Variants in CCDC102B observed in about 807,000 individuals in gnomAD.
The protein encoded by CCDC102B is coiled-coil domain-containing protein 102B.
Under a neutral mutation model 57.4 loss-of-function variants are expected in CCDC102B, and 75 were observed. The ratio of observed to expected loss-of-function variants is 1.31; its 90% CI spans 1.08 to 1.58. The LOEUF is 1.58. CCDC102B is among the 40% of genes most tolerant of loss of function. CCDC102B has a pLI of 0.00. For missense variants in CCDC102B, 636 were observed against 582.6 expected (o/e 1.09, Z -0.94); for synonymous variants, 206 against 201.9 (o/e 1.02, Z -0.17).
chr18:68,859,933 C>T (rs1295914608), intron 4 of CCDC102B, among the ~76,000 whole-genome samples: 3 of 92,348 alleles, frequency 3.2e-5, no homozygotes, highest in African/African-American at 9.7e-5. Flanking sequence ...ACCATTTGAC[C>T]CAGTCATCCC....
At chr18:68,798,390 T>A (rs1325798186) in intron 1 of CCDC102B, 1 of 152,108 alleles carries the variant, frequency 6.6e-6, no homozygotes, top group Non-Finnish European at 1.5e-5. Context: ...GGTGTTATTA[T>A]CCTGACAATT....
At chr18:68,761,092 C>G (rs528434936) in intron 2 of CCDC102B, among the ~76,000 whole-genome samples, 45 of 152,168 alleles carry the variant, frequency 3.0e-4, no homozygotes, top group African/African-American at 9.9e-4. Flanking sequence ...TTTCCTTGCT[C>G]TGTGCCGTGG....
At chr18:68,762,430 T>G (rs1324987944) in intron 2 of CCDC102B, among the ~76,000 whole-genome samples, 1 of 152,124 alleles carries the variant, frequency 6.6e-6, no homozygotes, top group Admixed American at 6.6e-5. Context: ...GTCCATTATC[T>G]CCACACTGAA....
At chr18:68,896,568 A>C (rs1019702520) in intron 5 of CCDC102B, among the ~76,000 whole-genome samples, 8 of 152,036 alleles carry the variant, frequency 5.3e-5, no homozygotes, top group Non-Finnish European at 1.2e-4. Flanking sequence ...TTATAGGCAA[A>C]GTGTGAAGAA....
intron 6 of CCDC102B, among the ~76,000 whole-genome samples, chr18:68,909,155 A>C (rs190674734): frequency 2.2e-3 from 281 of 130,656 alleles, no homozygotes; most frequent in African/African-American, 7.9e-3. Flanking sequence ...CACAGAAAAA[A>C]AGGAAAACAA....
chr18:69,048,222 G>GTT (rs139714214), intron 7 of CCDC102B, among the ~76,000 whole-genome samples: 3 of 147,582 alleles, frequency 2.0e-5, no homozygotes, highest in African/African-American at 7.4e-5. Context: ...GTGTGTGTGT[G>GTT]TTTTTTTTTT....
At chr18:68,953,355 C>CTTTTT (rs5825890) in intron 6 of CCDC102B, among the ~76,000 whole-genome samples, 19 of 125,536 alleles carry the variant, frequency 1.5e-4, no homozygotes, top group Non-Finnish European at 2.4e-4. Flanking sequence ...CAATACTTGT[C>CTTTTT]TTTTTTTTTT....
At chr18:69,017,562 G>T (rs2051704891) in intron 7 of CCDC102B, among the ~76,000 whole-genome samples, 1 of 151,976 alleles carries the variant, frequency 6.6e-6, no homozygotes, top group South Asian at 2.1e-4. Context: ...TATTTAATGT[G>T]TATAATGTGA....
chr18:68,890,806 A>G (rs2144994598), intron 5 of CCDC102B, among the ~76,000 whole-genome samples: 1 of 152,324 alleles, frequency 6.6e-6, no homozygotes, highest in South Asian at 2.1e-4. Context: ...TAGTAACAAT[A>G]GACTACTACT....
chr18:69,050,400 C>T (rs1451122182), intron 7 of CCDC102B, among the ~76,000 whole-genome samples: 1 of 152,152 alleles, frequency 6.6e-6, no homozygotes, highest in Admixed American at 6.6e-5. Context: ...TTTAAGATGA[C>T]TTCTGCACTT....
intron 6 of CCDC102B, among the ~76,000 whole-genome samples, chr18:68,947,050 T>C (rs1444827643): frequency 5.9e-5 from 9 of 151,962 alleles, no homozygotes; most frequent in Non-Finnish European, 1.3e-4. Flanking sequence ...CGTTATATAG[T>C]CACAACATGA....
intron 5 of CCDC102B, among the ~76,000 whole-genome samples, chr18:68,883,213 G>A (rs1477679134): frequency 6.6e-6 from 1 of 151,992 alleles, no homozygotes; most frequent in African/African-American, 2.4e-5. Context: ...GAGGTCAGGA[G>A]TTGGAGACCA....
intron 6 of CCDC102B, among the ~76,000 whole-genome samples, chr18:68,952,755 A>G (rs1470660704): frequency 6.6e-6 from 1 of 152,190 alleles, no homozygotes; most frequent in African/African-American, 2.4e-5. Context: ...AATAATGCCA[A>G]ATGCCATCAA....
At chr18:68,933,805 T>G (rs1302396653) in intron 6 of CCDC102B, among the ~76,000 whole-genome samples, 1 of 151,858 alleles carries the variant, frequency 6.6e-6, no homozygotes, top group Non-Finnish European at 1.5e-5. Context: ...ACTTTTATGG[T>G]CCTCTTAATT....
At chr18:69,045,153 C>G (rs993644266) in intron 7 of CCDC102B, among the ~76,000 whole-genome samples, 1 of 152,006 alleles carries the variant, frequency 6.6e-6, no homozygotes, top group Non-Finnish European at 1.5e-5. Context: ...GGATTTAATG[C>G]TTCAATATGT....
intron 4 of CCDC102B, among the ~76,000 whole-genome samples, chr18:68,857,276 TA>T (rs1318078190): frequency 7.2e-5 from 2 of 27,908 alleles, no homozygotes; most frequent in East Asian, 7.4e-3. Flanking sequence ...AATATATATA[TA>T]ATATATATTT....
At chr18:69,006,080 C>T (rs912712866) in intron 6 of CCDC102B, among the ~76,000 whole-genome samples, 13 of 151,992 alleles carry the variant, frequency 8.6e-5, no homozygotes, top group Non-Finnish European at 2.9e-5. Context: ...TAAGCTTGCT[C>T]TGAAGTACAT....
intron 1 of CCDC102B, chr18:68,823,327 A>G (rs2036770847): frequency 6.6e-6 from 1 of 152,086 alleles, no homozygotes; most frequent in East Asian, 1.9e-4. Flanking sequence ...CTGTGCTTTC[A>G]TTGCTTTGTT....
chr18:68,765,377 GAAA>G lies in CCDC102B; in HGVS notation c.-67+48785_-67+48787del, dbSNP rs200955626. On this transcript the variant is annotated intron_variant, in intron 2 of 3. Coordinates refer to the CCDC102B transcript ENST00000578970. ...AGAAAGAAAGAAAGAAAGAAAGAAA[GAAA>G]AGAAAGAAAGAAAAGAAAGGAAGGA... is the stretch of plus-strand genomic sequence containing the variant. Among the ~76,000 whole-genome samples, 314 of 107,874 alleles carry G rather than the reference GAAA, an allele frequency of 2.9e-3. 1 individual carries two copies. Among genetic ancestry groups the G allele is most frequent in the African/African-American group, 0.011 (302 of 27,738 alleles). 70.8% of individuals were successfully genotyped at this position (107,874 alleles called of 152,430 possible).
Sources: allele counts gnomAD v4.1 joint callset (sites outside exome capture counted in the v4.1 genomes callset), GRCh38; gene constraint gnomAD v4.1.1; transcripts MANE v1.5; gene names NCBI Gene and HGNC (gene_info 2026-07-23, HGNC 2026-07-21).